Variants in ITPR1 observed in about 807,000 individuals in gnomAD.
ITPR1 encodes inositol 1,4,5-trisphosphate receptor type 1.
Under a neutral mutation model 318.4 loss-of-function variants are expected in ITPR1, and 96 were observed. The ratio of observed to expected loss-of-function variants is 0.30; its 90% CI spans 0.26 to 0.36. ITPR1 has a LOEUF of 0.36. Ranked by LOEUF, ITPR1 falls within the 10% of genes least tolerant of loss-of-function variation. The pLI is 1.00. For missense variants in ITPR1, 2,440 were observed against 3,460.2 expected (o/e 0.71, Z 7.40); for synonymous variants, 1,312 against 1,289.9 (o/e 1.02, Z -0.37).
intron 52 of ITPR1, among the ~76,000 whole-genome samples, chr3:4,791,975 A>C (rs1231917980): frequency 6.6e-6 from 1 of 152,206 alleles, no homozygotes; most frequent in Non-Finnish European, 1.5e-5. Context: ...CAGAAGTCTG[A>C]AAAGATTCTC....
intron 48 of ITPR1, 34 bp downstream of exon 48, chr3:4,777,408 T>C (rs750749806): frequency 1.5e-6 from 2 of 1,333,664 alleles, no homozygotes; most frequent in Non-Finnish European, 2.1e-6. Flanking sequence ...GACAGTCATT[T>C]GGAAACAGTC....
intron 40 of ITPR1, among the ~76,000 whole-genome samples, chr3:4,722,982 C>T (rs556499604): frequency 2.0e-5 from 3 of 152,228 alleles, no homozygotes; most frequent in Admixed American, 1.3e-4. Flanking sequence ...AACCATGTCT[C>T]TACTAAAAAT....
intron 23 of ITPR1, among the ~76,000 whole-genome samples, chr3:4,676,071 G>A (rs2125219428): frequency 6.6e-6 from 1 of 152,080 alleles, no homozygotes; most frequent in South Asian, 2.1e-4. Flanking sequence ...GCAGGGCATA[G>A]TGATTCATAC....
chr3:4,596,617 A>G lies in ITPR1; in HGVS notation c.164-31146A>G, dbSNP rs373172312. ...TGTCACCTTTTTGGTTTGAGGTCAT[A>G]TGGGTTATATGACTGCCTCTGCTAG... On this transcript the variant is annotated intron_variant, in intron 4 of 61. Coordinates refer to ENST00000649015, the MANE Select transcript of ITPR1 (RefSeq NM_001378452.1). 4.5e-4 allele frequency among the ~76,000 whole-genome samples: 69 copies of G among 152,300 alleles called. 1 individual carries two copies. The highest frequency in any genetic ancestry group is 1.6e-3 in the African/African-American group (67 of 41,562).
intron 12 of ITPR1, among the ~76,000 whole-genome samples, 176 bp downstream of exon 12, chr3:4,654,062 G>T (rs2093653219): frequency 6.6e-6 from 1 of 152,164 alleles, no homozygotes; most frequent in Admixed American, 6.5e-5. Flanking sequence ...ATAGTCCTTT[G>T]TGTCTCGATT....
At chr3:4,498,437 G>A (rs1214424040) in intron 2 of ITPR1, among the ~76,000 whole-genome samples, 1 of 152,178 alleles carries the variant, frequency 6.6e-6, no homozygotes, top group Non-Finnish European at 1.5e-5. Flanking sequence ...AAGGCCAGGG[G>A]AGAGTGCTAG....
At chr3:4,601,059 A>G (rs1029009482) in intron 4 of ITPR1, among the ~76,000 whole-genome samples, 1 of 152,046 alleles carries the variant, frequency 6.6e-6, no homozygotes, top group Non-Finnish European at 1.5e-5. Context: ...TGGGCTGTGG[A>G]GAGGGTTTGG....
chr3:4,755,169 ATTTT>A (rs35849657), intron 44 of ITPR1, among the ~76,000 whole-genome samples: 2 of 131,348 alleles, frequency 1.5e-5, no homozygotes, highest in Admixed American at 7.5e-5. Flanking sequence ...AATACCTTTA[ATTTT>A]TTTTTTTTTT....
intron 23 of ITPR1, among the ~76,000 whole-genome samples, chr3:4,676,390 C>G (rs2094186264): frequency 1.3e-5 from 2 of 152,048 alleles, no homozygotes; most frequent in Non-Finnish European, 2.9e-5. Flanking sequence ...AGTTAGTGCA[C>G]AGAAATGCCC....
At chr3:4,716,686 A>T (rs2041787312) in intron 39 of ITPR1, among the ~76,000 whole-genome samples, 1 of 152,350 alleles carries the variant, frequency 6.6e-6, no homozygotes, top group African/African-American at 2.4e-5. Flanking sequence ...AAAGCCTAAT[A>T]AAAAATCAGT....
At chr3:4,697,381 C>A in intron 34 of ITPR1, 109 bp downstream of exon 34, 1 of 1,029,678 alleles carries the variant, frequency 9.7e-7, no homozygotes. Flanking sequence ...ATGAAGAAAA[C>A]AGCTGCATCA....
Position 4,693,340 on chromosome 3 carries a change from G to A in ITPR1, c.4030-150G>A, listed in dbSNP as rs2094508636. On this transcript the variant is annotated intron_variant, in intron 32 of 61. Transcript: ENST00000649015. Reference sequence around the variant, plus strand: ...GATGCTGAAGATTTCTAGTTGTTCAGTTATATAAATGAATGAAGTCAAAAT... The same window carrying A: ...GATGCTGAAGATTTCTAGTTGTTCAATTATATAAATGAATGAAGTCAAAAT... 2.4e-6 allele frequency: 2 copies of A among 828,492 alleles called. 1 individual carries two copies. The highest frequency in any genetic ancestry group is 4.5e-5 in the Admixed American group (2 of 44,240). The allele number at this position is 828,492 out of a possible 1,614,324, so 51.3% of individuals were successfully genotyped here.
chr3:4,783,597 A>G (rs1036582707), intron 50 of ITPR1, among the ~76,000 whole-genome samples: 5 of 152,114 alleles, frequency 3.3e-5, no homozygotes, highest in African/African-American at 1.2e-4. Flanking sequence ...AAGTGGAACC[A>G]TGTGTGGGCA....
chr3:4,663,253 T>G (rs771348442), intron 16 of ITPR1, 47 bp downstream of exon 16: 1 of 1,559,014 alleles, frequency 6.4e-7, no homozygotes, highest in African/African-American at 1.4e-5. Context: ...TGAGAAATCA[T>G]AAAGCATGAG....
Position 4,815,985 on chromosome 3 carries a change from TACACACACAC to T in ITPR1, c.7867+789_7867+798del, listed in dbSNP as rs10607666. Among the ~76,000 whole-genome samples the T allele has an allele frequency of 4.0e-3, 600 of 149,694 alleles. 4 individuals are homozygous for T. The highest frequency in any genetic ancestry group is 0.014 in the African/African-American group (554 of 40,616). ...TTAATATTTTATCTCATTTGCTTTA[TACACACACAC>T]ACACACACACACACACACACATTTT... On this transcript the variant is annotated intron_variant, in intron 59 of 61. Coordinates refer to ENST00000649015, the MANE Select transcript of ITPR1 (RefSeq NM_001378452.1).
intron 4 of ITPR1, among the ~76,000 whole-genome samples, chr3:4,563,577 T>C (rs1358316214): frequency 2.0e-5 from 3 of 152,230 alleles, no homozygotes; most frequent in African/African-American, 7.2e-5. Flanking sequence ...GTTGGGTTTT[T>C]ATTAGCCACG....
chr3:4,731,525 GGA>G (rs1247941161), intron 42 of ITPR1, among the ~76,000 whole-genome samples: 1 of 152,176 alleles, frequency 6.6e-6, no homozygotes, highest in Non-Finnish European at 1.5e-5. Flanking sequence ...TGGGTGGAAT[GGA>G]GAGAGGAAAT....
chr3:4,575,457 A>G (rs1027491440), intron 4 of ITPR1, among the ~76,000 whole-genome samples: 2 of 152,224 alleles, frequency 1.3e-5, no homozygotes, highest in African/African-American at 4.8e-5. Flanking sequence ...CAGAAAATTT[A>G]TTAAATATCA....
chr3:4,658,903 A>G (rs2093771307), intron 13 of ITPR1, among the ~76,000 whole-genome samples: 1 of 152,190 alleles, frequency 6.6e-6, no homozygotes, highest in African/African-American at 2.4e-5. Flanking sequence ...TGCATGCTAG[A>G]CACAAAGCTA....
Sources: allele counts gnomAD v4.1 joint callset (sites outside exome capture counted in the v4.1 genomes callset), GRCh38; gene constraint gnomAD v4.1.1; transcripts MANE v1.5; gene names NCBI Gene and HGNC (gene_info 2026-07-23, HGNC 2026-07-21).